The following CPQ variants were observed in gnomAD, a reference collection of about 807,000 sequenced individuals.
The protein encoded by CPQ is carboxypeptidase Q.
In CPQ, 37 loss-of-function variants were observed where a neutral mutation model predicts 45.7. The ratio of observed to expected loss-of-function variants is 0.81; its 90% CI spans 0.62 to 1.07. CPQ has a LOEUF of 1.07. CPQ is among the 50% of genes least tolerant of loss of function. The probability of loss-of-function intolerance (pLI) is 0.00; values close to 1 mark genes in which losing one functional copy is unlikely to be tolerated. For synonymous variants in CPQ, 186 were observed against 205.8 expected (o/e 0.90, Z 0.82); for missense variants, 537 against 572.9 (o/e 0.94, Z 0.64).
At chr8:96,722,789 G>A (rs964611749) in intron 1 of CPQ, among the ~76,000 whole-genome samples, 1 of 152,138 alleles carries the variant, frequency 6.6e-6, no homozygotes, top group African/African-American at 2.4e-5. Flanking sequence ...GATCCAGGCA[G>A]CTTCCATTTT....
Position 96,952,552 on chromosome 8 carries a change from T to C in CPQ, c.850-13383T>C, listed in dbSNP as rs573003100. Among the ~76,000 whole-genome samples the C allele has an allele frequency of 1.5e-3, 234 of 152,140 alleles. 3 individuals are homozygous for C. The highest frequency in any genetic ancestry group is 5.3e-3 in the African/African-American group (222 of 41,528). ...ATATCATAGTTTTGCTTGCTACATC[T>C]CCAAAATCTAGTGGAATTCAAGAAA... On this transcript the variant is annotated intron_variant, in intron 4 of 7. Transcript: ENST00000220763.
rs181644392 is a variant in CPQ at position 96,804,092 on chromosome 8, A to G, written c.433+18762A>G. Among the ~76,000 whole-genome samples the G allele has an allele frequency of 2.3e-3, 347 of 152,274 alleles. 4 individuals are homozygous for G. Among genetic ancestry groups the G allele is most frequent in the African/African-American group, 8.2e-3 (339 of 41,566 alleles). On this transcript the variant is annotated intron_variant, in intron 2 of 7. Transcript: ENST00000220763. ...GAAGGATAAAGGATTTACTGGGGCT[A>G]AGGAGGGAAAAAAGATATTTTTAGG... is the stretch of plus-strand genomic sequence containing the variant.
intron 3 of CPQ, among the ~76,000 whole-genome samples, chr8:96,855,010 A>G (rs992653675): frequency 5.9e-5 from 9 of 152,136 alleles, no homozygotes; most frequent in African/African-American, 1.9e-4. Flanking sequence ...TCCATATAAA[A>G]CATTCTGAAA....
At chr8:97,044,216 C>T (rs546855651) in intron 6 of CPQ, among the ~76,000 whole-genome samples, 5 of 152,260 alleles carry the variant, frequency 3.3e-5, no homozygotes, top group South Asian at 2.1e-4. Flanking sequence ...AATCCCTTCT[C>T]GCTTCATTTC....
intron 1 of CPQ, among the ~76,000 whole-genome samples, chr8:96,685,604 G>C (rs1280202194): frequency 6.6e-6 from 1 of 152,020 alleles, no homozygotes; most frequent in Non-Finnish European, 1.5e-5. Context: ...TTACAAACCA[G>C]CAACTCACCA....
chr8:97,130,956 G>A (rs1474332793), intron 7 of CPQ, among the ~76,000 whole-genome samples: 1 of 152,158 alleles, frequency 6.6e-6, no homozygotes, highest in East Asian at 1.9e-4. Context: ...GCTGCGTTGA[G>A]CTGCCAAATG....
intron 6 of CPQ, among the ~76,000 whole-genome samples, chr8:97,052,439 T>C (rs1810379350): frequency 6.6e-6 from 1 of 152,232 alleles, no homozygotes; most frequent in Non-Finnish European, 1.5e-5. Flanking sequence ...ATTTATTAGT[T>C]ACTGTAATTG....
At chr8:97,057,513 A>G (rs1810476467) in intron 6 of CPQ, among the ~76,000 whole-genome samples, 1 of 152,286 alleles carries the variant, frequency 6.6e-6, no homozygotes, top group East Asian at 1.9e-4. Flanking sequence ...TAATACATCA[A>G]TCACGCTCTC....
At chr8:96,776,532 G>A (rs1221115742) in intron 1 of CPQ, among the ~76,000 whole-genome samples, 1 of 151,956 alleles carries the variant, frequency 6.6e-6, no homozygotes, top group Admixed American at 6.6e-5. Flanking sequence ...ATTCGCTCTG[G>A]CATTTTTATC....
chr8:96,814,001 C>CACGT (rs1554570313), intron 2 of CPQ, among the ~76,000 whole-genome samples: 2 of 150,658 alleles, frequency 1.3e-5, no homozygotes, highest in Non-Finnish European at 3.0e-5. Context: ...TATATATACA[C>CACGT]ACATATATAT....
intron 6 of CPQ, among the ~76,000 whole-genome samples, chr8:97,041,286 G>A (rs1016589074): frequency 2.6e-5 from 4 of 152,006 alleles, no homozygotes; most frequent in Non-Finnish European, 5.9e-5. Context: ...CTCTCTGTTT[G>A]TCTGTTATTG....
chr8:97,074,919 T>A (rs987894310), intron 7 of CPQ, among the ~76,000 whole-genome samples: 1 of 152,076 alleles, frequency 6.6e-6, no homozygotes, highest in Non-Finnish European at 1.5e-5. Context: ...TGAGAATAGG[T>A]GAGTACCTCT....
At chr8:96,887,377 C>A (rs747869146) in intron 4 of CPQ, among the ~76,000 whole-genome samples, 1 of 152,174 alleles carries the variant, frequency 6.6e-6, no homozygotes, top group African/African-American at 2.4e-5. Context: ...CTCCTGAGAG[C>A]GAGCTGCTTT....
At chr8:97,093,688 G>A (rs1004718559) in intron 7 of CPQ, among the ~76,000 whole-genome samples, 2 of 152,126 alleles carry the variant, frequency 1.3e-5, no homozygotes, top group Admixed American at 1.3e-4. Context: ...CATTTGATGC[G>A]TATTACCTAG....
Position 96,896,422 on chromosome 8 carries a change from C to T in CPQ, c.849+16417C>T, listed in dbSNP as rs1451559695. ...TTTTCTAGAGTCTTTTCCCAGAAGA[C>T]TCTGTTCCATGTATTTGGTGTCACT... is the stretch of plus-strand genomic sequence containing the variant. On this transcript the variant is annotated intron_variant, in intron 4 of 7. Transcript: ENST00000220763. 1.6e-4 allele frequency among the ~76,000 whole-genome samples: 25 copies of T among 152,146 alleles called. No homozygotes were observed. In the East Asian group the frequency reaches 3.9e-3, roughly 23 times the overall value.
Position 96,661,558 on chromosome 8 carries a change from C to T in CPQ, c.-35+16156C>T, listed in dbSNP as rs575290668. On this transcript the variant is annotated intron_variant, in intron 1 of 7. Coordinates refer to ENST00000220763, the MANE Select transcript of CPQ (RefSeq NM_016134.4). ...ATACAGTATGTAGTCTTTTCAGATT[C>T]GCTTCTTTCACTGAGTAATATGCAT... 4.7e-4 allele frequency among the ~76,000 whole-genome samples: 71 copies of T among 152,258 alleles called. 2 individuals carry two copies. In the South Asian group the frequency reaches 0.013, roughly 28 times the overall value.
At chr8:96,888,809 G>T (rs1259061629) in intron 4 of CPQ, among the ~76,000 whole-genome samples, 2 of 152,174 alleles carry the variant, frequency 1.3e-5, no homozygotes, top group African/African-American at 4.8e-5. Flanking sequence ...CATGAGTTTT[G>T]CTGGGTAGAT....
chr8:96,814,987 C>A (rs1033474216), intron 2 of CPQ, among the ~76,000 whole-genome samples: 3 of 151,946 alleles, frequency 2.0e-5, no homozygotes, highest in African/African-American at 7.2e-5. Flanking sequence ...TGGTAGTTGC[C>A]AGGGGTTTGG....
At position 96,780,677 on chromosome 8, in the gene CPQ, CTTTCT is replaced by C. The variant is rs764714024; in HGVS notation, c.-34-4174_-34-4170del. ...CATTTCAATTTGTCTTCCTTCCTTC[CTTTCT>C]TTTCTTTTCTTTCTTTCTTTTTCTT... On this transcript the variant is annotated intron_variant, in intron 1 of 7. Coordinates refer to ENST00000220763, the MANE Select transcript of CPQ (RefSeq NM_016134.4). Among the ~76,000 whole-genome samples, 4 of 150,354 alleles carry C rather than the reference CTTTCT, an allele frequency of 2.7e-5. No individual in the cohort carries two copies. The South Asian group carries it at 8.4e-4, about 32-fold the overall frequency.
Sources: gnomAD v4.1 joint callset for allele counts (sites outside exome capture counted in the v4.1 genomes callset) on GRCh38, gnomAD v4.1.1 for gene constraint, MANE v1.5 for transcripts, NCBI Gene and HGNC (gene_info 2026-07-23, HGNC 2026-07-21) for gene names.